The following MCPH1 variants were observed in gnomAD, a reference collection of about 807,000 sequenced individuals.
MCPH1 encodes the protein microcephalin.
MCPH1 carries 104 observed loss-of-function variants against 84.5 expected under a neutral mutation model. The observed-to-expected ratio is 1.23, with a 90% confidence interval of 1.05 to 1.45. The LOEUF (loss-of-function observed/expected upper bound fraction) is 1.45, where lower values mean the gene tolerates loss of function less well. Ranked by LOEUF, MCPH1 falls within the 40% of genes most tolerant of loss-of-function variation. The pLI is 0.00. For missense variants in MCPH1, 1,498 were observed against 1,005.7 expected, an observed-to-expected ratio of 1.49 and a Z score of -6.62; for synonymous variants, 514 against 366.8, an observed-to-expected ratio of 1.40 and a Z score of -4.58.
intron 12 of MCPH1, among the ~76,000 whole-genome samples, chr8:6,574,182 G>A (rs373910270): frequency 2.0e-5 from 3 of 152,284 alleles, no homozygotes; most frequent in East Asian, 3.9e-4. Context: ...GCCACAAACC[G>A]GGTGCCTAAA....
chr8:6,494,901 A>G (rs1033719254), intron 11 of MCPH1, among the ~76,000 whole-genome samples: 3 of 152,178 alleles, frequency 2.0e-5, no homozygotes, highest in African/African-American at 7.2e-5. Flanking sequence ...TATTATGCCA[A>G]TTTCACCTCA....
intron 12 of MCPH1, chr8:6,562,726 G>A (rs1234628934): frequency 6.2e-7 from 1 of 1,613,482 alleles, no homozygotes; most frequent in African/African-American, 1.3e-5. Context: ...GTATTCGAGC[G>A]GCGCGTCCCT....
At position 6,579,188 on chromosome 8, in the gene MCPH1, C is replaced by A. The variant is rs986910039; in HGVS notation, c.2215-42266C>A. ...GCATCATCCACCTGTAGCCTCTAGCCCTCTTCATCTGTTAAGTGAGAGTAA... is the reference window on the plus strand; with the variant it reads ...GCATCATCCACCTGTAGCCTCTAGCACTCTTCATCTGTTAAGTGAGAGTAA... On this transcript the variant is annotated intron_variant, in intron 12 of 13. Transcript: ENST00000344683. 5.3e-5 allele frequency among the ~76,000 whole-genome samples: 8 copies of A among 152,316 alleles called. No individual in the cohort carries two copies. In the East Asian group the frequency reaches 9.6e-4, roughly 18 times the overall value.
chr8:6,519,977 C>A, intron 12 of MCPH1: 1 of 1,614,022 alleles, frequency 6.2e-7, no homozygotes, highest in Non-Finnish European at 8.5e-7. Flanking sequence ...TCTTTAGCAA[C>A]AGTGGGGTCC....
intron 11 of MCPH1, among the ~76,000 whole-genome samples, chr8:6,487,957 C>A (rs990390639): frequency 6.6e-6 from 1 of 152,214 alleles, no homozygotes; most frequent in Non-Finnish European, 1.5e-5. Flanking sequence ...ACATCTCTGT[C>A]AAGGCATTGT....
rs1563234671 is a variant in MCPH1, at chr8:6,645,401, AGG to A, written c.*2354_*2355del. 1 of 152,172 alleles carries A rather than the reference AGG, an allele frequency of 6.6e-6. No individual in the cohort carries two copies. The highest frequency in any genetic ancestry group is 1.5e-5 in the Non-Finnish European group (1 of 68,022). 9.4% of individuals were successfully genotyped at this position (152,172 alleles called of 1,614,324 possible). On this transcript the variant is annotated 3_prime_UTR_variant, in exon 14 of 14. Transcript: ENST00000344683. ...CTGCAAAGCCTTACTCAAAACATATAGGGCTAGAGGTTCTCAGGATTCTGAAT... is the reference window on the plus strand; with the variant it reads ...CTGCAAAGCCTTACTCAAAACATATAGCTAGAGGTTCTCAGGATTCTGAAT...
intron 12 of MCPH1, among the ~76,000 whole-genome samples, chr8:6,589,535 A>G (rs1253340897): frequency 6.6e-6 from 1 of 152,190 alleles, no homozygotes; most frequent in East Asian, 1.9e-4. Context: ...AATCCTGAAC[A>G]ACAAAGTTTG....
At chr8:6,562,543 A>ATCC (rs1471713430) in intron 12 of MCPH1, 1 of 251,204 alleles carries the variant, frequency 4.0e-6, no homozygotes, top group Non-Finnish European at 6.0e-6. Flanking sequence ...AATCCTCTTC[A>ATCC]TCCTCCTTCT....
intron 12 of MCPH1, among the ~76,000 whole-genome samples, chr8:6,576,267 C>A (rs1827087230): frequency 6.6e-6 from 1 of 152,100 alleles, no homozygotes; most frequent in Admixed American, 6.5e-5. Flanking sequence ...TAATTGCAGC[C>A]ACCCTATAAA....
chr8:6,509,667 G>A (rs2916653), intron 12 of MCPH1, among the ~76,000 whole-genome samples: 46 of 152,240 alleles, frequency 3.0e-4, no homozygotes, highest in African/African-American at 1.1e-3. Flanking sequence ...CAATACAGAC[G>A]ATCCCTGACT....
rs1214952674 is a variant in MCPH1 at position 6,442,204 on chromosome 8, A to G, written c.670+48A>G. On this transcript the variant is annotated intron_variant, in intron 7 of 13. Coordinates refer to ENST00000344683, the MANE Select transcript of MCPH1 (RefSeq NM_024596.5). ...TGTGATATGTTTAAGTTTTGAGAAT[A>G]ATATGATTTTCTGATTTAGAATTTC... 8 of 1,211,106 alleles carry G rather than the reference A, an allele frequency of 6.6e-6. No homozygotes were observed. In the South Asian group the frequency reaches 8.6e-5, roughly 13 times the overall value. 75.0% of individuals were successfully genotyped at this position (1,211,106 alleles called of 1,614,324 possible). A position where few individuals can be genotyped will look rare whatever the true frequency, so the allele number is the denominator to read the frequency against.
chr8:6,516,054 G>A (rs1245188557), intron 12 of MCPH1, among the ~76,000 whole-genome samples: 1 of 152,206 alleles, frequency 6.6e-6, no homozygotes, highest in Admixed American at 6.5e-5. Context: ...TCTCTCTCCA[G>A]GAAGGTCACC....
intron 3 of MCPH1, among the ~76,000 whole-genome samples, chr8:6,421,653 C>A (rs1288330338): frequency 6.6e-6 from 1 of 152,138 alleles, no homozygotes; most frequent in African/African-American, 2.4e-5. Context: ...GTTCATCTGA[C>A]GATGTAGTCA....
At chr8:6,641,000 CT>C (rs1797903281) in intron 13 of MCPH1, among the ~76,000 whole-genome samples, 1 of 152,130 alleles carries the variant, frequency 6.6e-6, no homozygotes, top group Admixed American at 6.5e-5. Context: ...GTGCTGACCT[CT>C]ATTTTACTGC....
intron 12 of MCPH1, among the ~76,000 whole-genome samples, chr8:6,608,291 T>C (rs1398920176): frequency 6.6e-6 from 1 of 152,020 alleles, no homozygotes; most frequent in Non-Finnish European, 1.5e-5. Flanking sequence ...TGTTCACAGG[T>C]GAGTAGGAGA....
chr8:6,626,529 G>C (rs2129581583), intron 13 of MCPH1: 1 of 974,208 alleles, frequency 1.0e-6, no homozygotes, highest in Non-Finnish European at 1.2e-6. Flanking sequence ...GGTTGAACAT[G>C]GATAAAAATA....
At chr8:6,624,860 A>T (rs1455476154) in intron 13 of MCPH1, 1 of 984,940 alleles carries the variant, frequency 1.0e-6, no homozygotes, top group Non-Finnish European at 1.2e-6. Flanking sequence ...CTCTAACCAG[A>T]AACAAATCAT....
At chr8:6,576,322 G>A (rs931877708) in intron 12 of MCPH1, among the ~76,000 whole-genome samples, 1 of 152,132 alleles carries the variant, frequency 6.6e-6, no homozygotes, top group African/African-American at 2.4e-5. Flanking sequence ...GCAGGAAGAT[G>A]GGGCTGACCT....
At chr8:6,464,055 G>A (rs997334183) in intron 9 of MCPH1, among the ~76,000 whole-genome samples, 4 of 152,278 alleles carry the variant, frequency 2.6e-5, no homozygotes, top group Non-Finnish European at 4.4e-5. Flanking sequence ...ACACTTCCTC[G>A]AGGATGACAC....
Sources: allele counts gnomAD v4.1 joint callset (sites outside exome capture counted in the v4.1 genomes callset), GRCh38; gene constraint gnomAD v4.1.1; transcripts MANE v1.5; gene names NCBI Gene and HGNC (gene_info 2026-07-23, HGNC 2026-07-21).